The following IGF2BP2 variants were observed in gnomAD, a reference collection of about 807,000 sequenced individuals.
IGF2BP2 encodes insulin-like growth factor 2 mRNA-binding protein 2.
A neutral mutation model predicts 75.8 loss-of-function variants in IGF2BP2; 17 were observed. The observed-to-expected ratio is 0.22, with a 90% CI of 0.15 to 0.34. The LOEUF (loss-of-function observed/expected upper bound fraction) is 0.34, where lower values mean the gene tolerates loss of function less well. IGF2BP2 is among the 10% of genes least tolerant of loss of function. The pLI is 1.00. For missense variants in IGF2BP2, 516 were observed against 772.4 expected, an observed-to-expected ratio of 0.67 and a Z score of 3.93; for synonymous variants, 288 against 295.6, an observed-to-expected ratio of 0.97 and a Z score of 0.26.
chr3:185,644,609 GATAC>G lies in IGF2BP2; in HGVS notation c.*918_*921del. On this transcript the variant is annotated 3_prime_UTR_variant, in exon 16 of 16. Coordinates refer to ENST00000382199, the MANE Select transcript of IGF2BP2 (RefSeq NM_006548.6). ...TTGCCTGGGGGGGGGGGGGTGCGTAGATACGGGATTGAGATGGAGGGATGAGGAA... is the reference window on the plus strand; with the variant it reads ...TTGCCTGGGGGGGGGGGGGTGCGTAGGGGATTGAGATGGAGGGATGAGGAA... 8.5e-6 allele frequency: 1 copy of G among 117,796 alleles called. No homozygotes were observed. The allele number at this position is 117,796 out of a possible 1,614,324, so 7.3% of individuals were successfully genotyped here. A position where few individuals can be genotyped will look rare whatever the true frequency, so the allele number is the denominator to read the frequency against.
intron 2 of IGF2BP2, among the ~76,000 whole-genome samples, chr3:185,784,024 C>A (rs1159568971): frequency 1.3e-5 from 2 of 152,152 alleles, no homozygotes; most frequent in Non-Finnish European, 2.9e-5. Context: ...CACCTGAGGT[C>A]AGGAGTTCAA....
intron 2 of IGF2BP2, among the ~76,000 whole-genome samples, chr3:185,750,023 A>G (rs1730757948): frequency 6.6e-6 from 1 of 152,242 alleles, no homozygotes; most frequent in Non-Finnish European, 1.5e-5. Context: ...TTTGAACTTT[A>G]GCACACTTAA....
chr3:185,676,165 T>A (rs1719315628), intron 7 of IGF2BP2, among the ~76,000 whole-genome samples: 1 of 152,074 alleles, frequency 6.6e-6, no homozygotes, highest in Admixed American at 6.6e-5. Flanking sequence ...ATCTGGCCAA[T>A]GAGGGTATTA....
chr3:185,649,333 G>A (rs757200480), intron 14 of IGF2BP2, 70 bp downstream of exon 14: 1 of 1,584,336 alleles, frequency 6.3e-7, no homozygotes, highest in Non-Finnish European at 8.6e-7. Flanking sequence ...AGGGGAGACT[G>A]AGGGAACTCA....
intron 2 of IGF2BP2, among the ~76,000 whole-genome samples, chr3:185,817,850 ATGTTTTG>A (rs1488346031): frequency 6.6e-6 from 1 of 152,192 alleles, no homozygotes; most frequent in African/African-American, 2.4e-5. Context: ...TTCTGGGGGC[ATGTTTTG>A]TTAAACAGAA....
In IGF2BP2 at chr3:185,822,331, C is replaced by A. The variant is rs181977900; in HGVS notation, c.239+822G>T. ...TGTGAATGGGATATAAACTAAGTTT[C>A]GACACACAGCAGAAGAAAAAAATTT... On this transcript the variant is annotated intron_variant, in intron 2 of 15. Transcript: ENST00000382199. Among the ~76,000 whole-genome samples the A allele has an allele frequency of 2.0e-3, 307 of 152,092 alleles. 2 individuals carry two copies. The highest frequency in any genetic ancestry group is 0.01 in the Middle Eastern group (3 of 294).
At chr3:185,748,718 C>G (rs1249923155) in intron 2 of IGF2BP2, among the ~76,000 whole-genome samples, 2 of 152,176 alleles carry the variant, frequency 1.3e-5, no homozygotes, top group South Asian at 2.1e-4. Context: ...CAAAAGTCAC[C>G]CTGGTAAGTC....
Position 185,798,244 on chromosome 3 carries a change from A to G in IGF2BP2, c.239+24909T>C, listed in dbSNP as rs1160881330. Among the ~76,000 whole-genome samples the G allele has an allele frequency of 4.6e-5, 7 of 152,088 alleles. 1 individual carries two copies. Among genetic ancestry groups the G allele is most frequent in the Admixed American group, 3.3e-4 (5 of 15,246 alleles). The stretch of plus-strand genomic sequence containing the variant: ...CAGGGAAAAACACGCCCACATTCTC[A>G]CCACCTCCAATAATGACAGACAGTG... On this transcript the variant is annotated intron_variant, in intron 2 of 15. Transcript: ENST00000382199.
chr3:185,657,488 GAACCC>G, intron 11 of IGF2BP2, 86 bp from the exon 12 acceptor site: 3 of 1,019,782 alleles, frequency 2.9e-6, no homozygotes, highest in Non-Finnish European at 4.4e-6. Flanking sequence ...ACCTTACCAT[GAACCC>G]CATGGTGGGA....
chr3:185,776,433 G>A (rs1382762625), intron 2 of IGF2BP2, among the ~76,000 whole-genome samples: 1 of 152,138 alleles, frequency 6.6e-6, no homozygotes, highest in Non-Finnish European at 1.5e-5. Context: ...AGTAAAAAGT[G>A]AGGACCGGGT....
intron 2 of IGF2BP2, among the ~76,000 whole-genome samples, chr3:185,802,416 A>G (rs1031335279): frequency 6.6e-6 from 1 of 152,120 alleles, no homozygotes; most frequent in African/African-American, 2.4e-5. Context: ...AAATTTGGAA[A>G]TAACAGAAGA....
At chr3:185,742,482 T>G (rs1729696051) in intron 2 of IGF2BP2, among the ~76,000 whole-genome samples, 1 of 150,988 alleles carries the variant, frequency 6.6e-6, no homozygotes, top group Non-Finnish European at 1.5e-5. Context: ...GGCAACAGAG[T>G]GAGACTCCAT....
intron 2 of IGF2BP2, among the ~76,000 whole-genome samples, chr3:185,774,426 T>C (rs1020766336): frequency 6.6e-5 from 10 of 151,192 alleles, no homozygotes; most frequent in Non-Finnish European, 1.3e-4. Context: ...AAACCCTGTC[T>C]CTACTAAAAA....
chr3:185,703,313 A>G (rs1221824328), intron 2 of IGF2BP2, among the ~76,000 whole-genome samples: 1 of 152,234 alleles, frequency 6.6e-6, no homozygotes, highest in Non-Finnish European at 1.5e-5. Context: ...GTAGATACCC[A>G]GAGGTAACAG....
chr3:185,782,989 G>A (rs1186645951), intron 2 of IGF2BP2, among the ~76,000 whole-genome samples: 5 of 152,194 alleles, frequency 3.3e-5, no homozygotes, highest in African/African-American at 9.7e-5. Flanking sequence ...TGGGCCTTGT[G>A]TTATCAAGTT....
At chr3:185,801,634 A>T (rs930505070) in intron 2 of IGF2BP2, among the ~76,000 whole-genome samples, 4 of 152,202 alleles carry the variant, frequency 2.6e-5, no homozygotes, top group African/African-American at 7.2e-5. Flanking sequence ...ATCTAGAACC[A>T]GAAATACCAT....
intron 2 of IGF2BP2, among the ~76,000 whole-genome samples, chr3:185,772,680 C>G (rs760616716): frequency 6.7e-6 from 1 of 148,904 alleles, no homozygotes; most frequent in African/African-American, 2.5e-5. Context: ...CTCCCAGATT[C>G]AAGCGATTCT....
chr3:185,782,997 G>C (rs1329655150), intron 2 of IGF2BP2, among the ~76,000 whole-genome samples: 1 of 152,194 alleles, frequency 6.6e-6, no homozygotes, highest in Non-Finnish European at 1.5e-5. Context: ...GTGTTATCAA[G>C]TTACTAACAC....
intron 2 of IGF2BP2, among the ~76,000 whole-genome samples, chr3:185,710,152 ATTTTTTTTTTTTT>A (rs567527407): frequency 8.5e-6 from 1 of 117,552 alleles, no homozygotes. Context: ...GTAGTTTTAG[ATTTTTTTTTTTTT>A]TTTTTTTTTT....
Sources: allele counts gnomAD v4.1 joint callset (sites outside exome capture counted in the v4.1 genomes callset), GRCh38; gene constraint gnomAD v4.1.1; transcripts MANE v1.5; gene names NCBI Gene and HGNC (gene_info 2026-07-23, HGNC 2026-07-21).